MAMDC2: variants seen among roughly 807,000 people sequenced by gnomAD.
The protein encoded by MAMDC2 is MAM domain containing 2, also known as MAM domain-containing protein 2.
A neutral mutation model predicts 89.8 loss-of-function variants in MAMDC2; 57 were observed. The ratio of observed to expected loss-of-function variants is 0.63; its 90% confidence interval spans 0.51 to 0.79. MAMDC2 has a LOEUF of 0.79. Among genes scored for constraint, MAMDC2 ranks in the 30% least tolerant of loss-of-function variants. The pLI is 0.00. For synonymous variants in MAMDC2, 313 were observed against 293.4 expected (o/e 1.07, Z -0.68); for missense variants, 800 against 820.6 (o/e 0.97, Z 0.31).
chr9:70,163,456 G>T (rs1463566776), intron 9 of MAMDC2, among the ~76,000 whole-genome samples: 1 of 151,802 alleles, frequency 6.6e-6, no homozygotes, highest in East Asian at 1.9e-4. Context: ...TTGAACTCCT[G>T]ACTCAAGTGA....
At chr9:70,051,873 C>T (rs533796609) in intron 2 of MAMDC2, among the ~76,000 whole-genome samples, 1 of 137,522 alleles carries the variant, frequency 7.3e-6, no homozygotes, top group African/African-American at 2.7e-5. Flanking sequence ...ATCTATTTAC[C>T]TATCTAGATA....
intron 2 of MAMDC2, among the ~76,000 whole-genome samples, chr9:70,077,077 C>T (rs1254862976): frequency 6.6e-6 from 1 of 152,148 alleles, no homozygotes; most frequent in Non-Finnish European, 1.5e-5. Flanking sequence ...TCTGTTAGCA[C>T]AATGAAAACC....
At chr9:70,221,719 TTGTG>T (rs143895926) in intron 12 of MAMDC2, among the ~76,000 whole-genome samples, 7 of 150,196 alleles carry the variant, frequency 4.7e-5, no homozygotes, top group South Asian at 2.1e-4. Flanking sequence ...ATCCCACATT[TTGTG>T]TGTGTGTGTG....
chr9:70,107,843 A>G (rs1828381498), intron 2 of MAMDC2, among the ~76,000 whole-genome samples: 1 of 152,194 alleles, frequency 6.6e-6, no homozygotes, highest in South Asian at 2.1e-4. Context: ...ACATATGCCT[A>G]TGGGGACCAG....
chr9:70,178,983 A>G (rs2032572593), intron 11 of MAMDC2, among the ~76,000 whole-genome samples: 1 of 152,224 alleles, frequency 6.6e-6, no homozygotes, highest in Non-Finnish European at 1.5e-5. Context: ...AGGATTACCA[A>G]CAAAGTGGAG....
At chr9:70,153,134 A>T (rs112822644) in intron 9 of MAMDC2, 1,806 of 152,336 alleles carry the variant, frequency 0.012, 27 homozygotes, top group African/African-American at 0.04. Flanking sequence ...TACAATTATA[A>T]ACAGTTTACA....
intron 11 of MAMDC2, among the ~76,000 whole-genome samples, chr9:70,192,426 G>T (rs974929305): frequency 5.9e-5 from 9 of 152,080 alleles, no homozygotes; most frequent in Admixed American, 4.6e-4. Flanking sequence ...ATATTTGTGT[G>T]TCTGGCCTCT....
intron 2 of MAMDC2, among the ~76,000 whole-genome samples, chr9:70,046,982 T>G (rs1826769900): frequency 6.6e-6 from 1 of 152,182 alleles, no homozygotes; most frequent in Admixed American, 6.5e-5. Context: ...CGCTAAGAAT[T>G]TCCCTTATAA....
Position 70,105,259 on chromosome 9 carries a change from A to T in MAMDC2, c.149-2952A>T, listed in dbSNP as rs549620204. 2.0e-5 allele frequency among the ~76,000 whole-genome samples: 3 copies of T among 152,316 alleles called. No homozygotes were observed. The South Asian group carries it at 6.2e-4, about 32-fold the overall frequency. On this transcript the variant is annotated intron_variant, in intron 2 of 13. Coordinates refer to ENST00000377182, the MANE Select transcript of MAMDC2 (RefSeq NM_153267.5). ...CTACACTGAAGCCACAAGCAGAGAT[A>T]ACAAGTAGTTTCAACTCAAGTGCCA...
rs549492731 is a variant in MAMDC2, at chr9:70,097,076, A to G, written c.149-11135A>G. Among the ~76,000 whole-genome samples, 4 of 152,214 alleles carry G rather than the reference A, an allele frequency of 2.6e-5. No individual in the cohort carries two copies. In the South Asian group the frequency reaches 8.3e-4, roughly 32 times the overall value. ...GGTCTTCTCCCAGGACCAGGCAGAT[A>G]TTGCTAATCAATAGTGACACTCTAT... On this transcript the variant is annotated intron_variant, in intron 2 of 13. Coordinates refer to ENST00000377182, the MANE Select transcript of MAMDC2 (RefSeq NM_153267.5).
rs994680231 is a variant in MAMDC2 at position 70,093,599 on chromosome 9, T to A, written c.149-14612T>A. On this transcript the variant is annotated intron_variant, in intron 2 of 13. Coordinates refer to ENST00000377182, the MANE Select transcript of MAMDC2 (RefSeq NM_153267.5). ...AACCACCATGCCCGGCTAATTTTTT[T>A]TTTTTTATTTTTAGTAGAAATGGGG... Among the ~76,000 whole-genome samples, 3 of 151,876 alleles carry A rather than the reference T, an allele frequency of 2.0e-5. 1 individual carries two copies. The highest frequency in any genetic ancestry group is 4.8e-5 in the African/African-American group (2 of 41,438).
intron 12 of MAMDC2, among the ~76,000 whole-genome samples, chr9:70,219,035 G>A (rs1354862160): frequency 1.4e-4 from 22 of 152,150 alleles, no homozygotes; most frequent in Admixed American, 1.4e-3. Context: ...TCCAGAGTAA[G>A]TTTTGTTTTT....
intron 4 of MAMDC2, among the ~76,000 whole-genome samples, chr9:70,111,918 C>T (rs1828520442): frequency 6.6e-6 from 1 of 152,150 alleles, no homozygotes; most frequent in African/African-American, 2.4e-5. Flanking sequence ...GAGGAGTTTC[C>T]AGTACCTGTA....
At chr9:70,082,857 A>G (rs939869132) in intron 2 of MAMDC2, 1 of 152,126 alleles carries the variant, frequency 6.6e-6, no homozygotes, top group South Asian at 2.1e-4. Flanking sequence ...TTAAGGAGCA[A>G]CTTCCTCTAT....
intron 9 of MAMDC2, among the ~76,000 whole-genome samples, chr9:70,148,533 C>T (rs1305383757): frequency 6.7e-6 from 1 of 150,368 alleles, no homozygotes; most frequent in Non-Finnish European, 1.5e-5. Context: ...AGTTGATGCT[C>T]AATAATTGTC....
intron 9 of MAMDC2, among the ~76,000 whole-genome samples, chr9:70,150,327 T>C (rs567764216): frequency 6.6e-5 from 10 of 152,208 alleles, no homozygotes; most frequent in Non-Finnish European, 1.5e-4. Flanking sequence ...TCATATTGGC[T>C]GTTGTGGGTG....
At chr9:70,192,261 A>T (rs896542365) in intron 11 of MAMDC2, among the ~76,000 whole-genome samples, 7 of 152,144 alleles carry the variant, frequency 4.6e-5, no homozygotes, top group African/African-American at 1.4e-4. Context: ...TTCTCAGCAG[A>T]GTACAGCTCT....
At chr9:70,221,380 T>TATATATAGAGAGAGAGAGAG in intron 12 of MAMDC2, among the ~76,000 whole-genome samples, 2 of 7,042 alleles carry the variant, frequency 2.8e-4, no homozygotes, top group East Asian at 9.8e-3. Context: ...TATATATATA[T>TATATATAGAGAGAGAGAGAG]AGAGAGAGAG....
At chr9:70,163,229 C>CTTTTTTTTT (rs66957093) in intron 9 of MAMDC2, among the ~76,000 whole-genome samples, 3 of 125,122 alleles carry the variant, frequency 2.4e-5, no homozygotes, top group Non-Finnish European at 4.9e-5. Context: ...TTCTTTCTTT[C>CTTTTTTTTT]TTTTTTTTTT....
Sources: allele counts gnomAD v4.1 joint callset (sites outside exome capture counted in the v4.1 genomes callset), GRCh38; gene constraint gnomAD v4.1.1; transcripts MANE v1.5; gene names NCBI Gene and HGNC (gene_info 2026-07-23, HGNC 2026-07-21).